Variants in LCT observed in about 807,000 individuals in gnomAD.
LCT encodes lactase/phlorizin hydrolase.
Under a neutral mutation model 173.0 loss-of-function variants are expected in LCT, and 90 were observed. The observed-to-expected ratio is 0.52, with a 90% confidence interval of 0.44 to 0.62. The LOEUF is 0.62. LCT is among the 20% of genes least tolerant of loss of function. LCT has a pLI of 0.00. For missense variants in LCT, 1,864 were observed against 2,431.4 expected (o/e 0.77, Z 4.91); for synonymous variants, 853 against 957.6 (o/e 0.89, Z 2.02).
At position 135,809,440 on chromosome 2, in the gene LCT, C is replaced by T; in HGVS notation, c.2907G>A (p.Leu969=). ...TAGAGAAGCGGTAGGCCTTCACCTT[C>T]AAAGCTCGGAGCATATTCAGATCGG... is the stretch of plus-strand genomic sequence containing the variant. ...LDADLNMLRA[L]KVKAYRFSIS... Residue 969 remains leucine (L), a synonymous_variant, in exon 8 of 17, where the codon TTG becomes TTA. Coordinates refer to ENST00000264162, the MANE Select transcript of LCT (RefSeq NM_002299.4). The surrounding 1 kb of genome is among the most constrained non-coding windows in gnomAD (Gnocchi z 5.5). 1 of 1,614,224 alleles carries T rather than the reference C, an allele frequency of 6.2e-7. No homozygotes were observed. Among genetic ancestry groups the T allele is most frequent in the Non-Finnish European group, 8.5e-7 (1 of 1,180,048 alleles).
At chr2:135,810,539 G>A (rs2077725829) in intron 7 of LCT, among the ~76,000 whole-genome samples, 1 of 152,122 alleles carries the variant, frequency 6.6e-6, no homozygotes, top group African/African-American at 2.4e-5. Flanking sequence ...ATAGTGGAGG[G>A]GATGTGTCCC....
chr2:135,825,198 T>C (rs574931509), intron 3 of LCT, among the ~76,000 whole-genome samples: 277 of 152,298 alleles, frequency 1.8e-3, no homozygotes, highest in Admixed American at 4.4e-3. Flanking sequence ...TTTTTCCTCC[T>C]CTGAGCAACT....
chr2:135,796,941 ATTT>A lies in LCT; in HGVS notation c.4976+1085_4976+1087del, dbSNP rs997582132. ...GTGTGCATTGTGAGGTGGGAGCTGG[ATTT>A]TTTTTTTTTTTTTTTTTTTGAGACA... is the stretch of plus-strand genomic sequence containing the variant. On this transcript the variant is annotated intron_variant, in intron 13 of 16. Coordinates refer to ENST00000264162, the MANE Select transcript of LCT (RefSeq NM_002299.4). Among the ~76,000 whole-genome samples the A allele has an allele frequency of 7.3e-3, 863 of 118,730 alleles. 9 individuals carry two copies. The highest frequency in any genetic ancestry group is 0.026 in the African/African-American group (808 of 30,818). The allele number at this position is 118,730 out of a possible 152,430, so 77.9% of individuals were successfully genotyped here.
intron 12 of LCT, among the ~76,000 whole-genome samples, chr2:135,798,914 A>C (rs556843126): frequency 8.5e-5 from 13 of 152,260 alleles, no homozygotes; most frequent in African/African-American, 3.1e-4. Flanking sequence ...ATTTTCGTGG[A>C]AGCTGATTCT....
chr2:135,803,455 T>C (rs2077643747), intron 11 of LCT, among the ~76,000 whole-genome samples: 1 of 152,220 alleles, frequency 6.6e-6, no homozygotes, highest in South Asian at 2.1e-4. Context: ...TCAAGCACAC[T>C]GATATCTCTG....
rs959659716 is a variant in LCT at position 135,829,777 on chromosome 2, C to G, written c.721-101G>C. 7.7e-6 allele frequency: 6 copies of G among 776,038 alleles called. No individual in the cohort carries two copies. The African/African-American group carries it at 8.6e-5, about 11-fold the overall frequency. The allele number at this position is 776,038 out of a possible 1,614,324, so 48.1% of individuals were successfully genotyped here. A position where few individuals can be genotyped will look rare whatever the true frequency, so the allele number is the denominator to read the frequency against. On this transcript the variant is annotated intron_variant, in intron 2 of 16. Transcript: ENST00000264162. Reference sequence around the variant, plus strand: ...TTTGTTTCTCCCCTTATCACTAAACCAAATATTCCAAAGCAGGATTTTCCA... The same window carrying G: ...TTTGTTTCTCCCCTTATCACTAAACGAAATATTCCAAAGCAGGATTTTCCA...
chr2:135,828,642 A>G (rs1364894913), intron 3 of LCT, among the ~76,000 whole-genome samples: 1 of 152,198 alleles, frequency 6.6e-6, no homozygotes, highest in African/African-American at 2.4e-5. Flanking sequence ...ACAGGAGAAT[A>G]GTTGGGACTC....
chr2:135,788,765 T>C (rs1014934874), intron 16 of LCT, among the ~76,000 whole-genome samples: 2 of 152,212 alleles, frequency 1.3e-5, no homozygotes, highest in African/African-American at 4.8e-5. Flanking sequence ...TAGAATACGG[T>C]TGAATATCCC....
intron 7 of LCT, among the ~76,000 whole-genome samples, chr2:135,811,405 C>T (rs2077733487): frequency 6.6e-6 from 1 of 152,010 alleles, no homozygotes; most frequent in Non-Finnish European, 1.5e-5. Flanking sequence ...GAGGACTGAC[C>T]TGTGAGATGA....
intron 5 of LCT, among the ~76,000 whole-genome samples, chr2:135,818,589 C>G (rs1220657974): frequency 2.0e-5 from 3 of 152,196 alleles, no homozygotes. Flanking sequence ...CCTGTAATCC[C>G]AGCACTTTGG....
rs1267843786 is a variant in LCT, at chr2:135,788,459, A to C, written c.5649T>G (p.Ala1883=). The change falls in exon 17 of 17, where the codon GCT becomes GCG. Residue 1883 remains alanine, a synonymous_variant. Coordinates refer to ENST00000264162, the MANE Select transcript of LCT (RefSeq NM_002299.4). Reference sequence around the variant, plus strand: ...GCACAAGAGAAAAGAGAACGTACAAAGCTGTCTGTGCTTCTGTGGTGCCGA... The same window carrying C: ...GCACAAGAGAAAAGAGAACGTACAACGCTGTCTGTGCTTCTGTGGTGCCGA... ...LMLGTTEAQT[A]LYVLFSLVLL... is the part of the protein sequence containing the mutation. 6.2e-7 allele frequency: 1 copy of C among 1,613,842 alleles called. No homozygotes were observed. The highest frequency in any genetic ancestry group is 1.7e-5 in the Admixed American group (1 of 60,022).
chr2:135,832,165 G>A (rs962795520), intron 2 of LCT, among the ~76,000 whole-genome samples: 6 of 151,882 alleles, frequency 4.0e-5, no homozygotes, highest in Admixed American at 6.6e-5. Flanking sequence ...GCAGTGAGCC[G>A]AGATCGTGCC....
chr2:135,822,685 A>AAC (rs1463931187), intron 4 of LCT: 9 of 159,302 alleles, frequency 5.6e-5, no homozygotes, highest in Admixed American at 1.8e-4. Context: ...TGTGGAGCCA[A>AAC]CCCATTGCTG....
intron 1 of LCT, 32 bp from the exon 2 acceptor site, chr2:135,833,222 G>A (rs2077953897): frequency 2.6e-6 from 4 of 1,528,366 alleles, no homozygotes; most frequent in South Asian, 2.2e-5. Flanking sequence ...AACAGCAGGT[G>A]AGCGAGGGCA....
At chr2:135,816,886 T>TG (rs1558741080) in intron 6 of LCT, among the ~76,000 whole-genome samples, 3 of 144,890 alleles carry the variant, frequency 2.1e-5, no homozygotes, top group East Asian at 2.0e-4. Context: ...TTTTTTTTTT[T>TG]GAGACAGGGT....
rs758609978 is a variant in LCT at position 135,812,799 on chromosome 2, C to T, written c.1865G>A (p.Arg622His). 2.0e-5 allele frequency: 33 copies of T among 1,614,018 alleles called. No individual in the cohort carries two copies. Among genetic ancestry groups the T allele is most frequent in the East Asian group, 2.2e-5 (1 of 44,892 alleles). ...CCAGCCCAGCATGAAGTGCAAGAAG[C>T]GCTCAGAGGCTCTCAGGTCCTCAGG... ...ERPEDLRASE[R>H]FLHFMLGWFA... Residue 622 changes from arginine to histidine, a missense_variant, in exon 7 of 17, where the codon CGC (arginine) becomes CAC (histidine). Physicochemically the swap from Arg to His is conservative, Grantham distance 29 (BLOSUM62 0). Around this residue, in one of 4 missense-constraint regions of LCT, gnomAD observed 755 missense variants for 926.3 expected, o/e 0.82. Transcript: ENST00000264162.
intron 2 of LCT, 23 bp from the exon 3 acceptor site, chr2:135,829,699 G>T: frequency 2.7e-6 from 4 of 1,502,138 alleles, no homozygotes; most frequent in Non-Finnish European, 3.7e-6. Flanking sequence ...GTTAAATAGG[G>T]TCATTAGAAC....
chr2:135,821,863 T>C (rs2077835317), intron 5 of LCT, 157 bp downstream of exon 5: 1 of 640,202 alleles, frequency 1.6e-6, no homozygotes, highest in Admixed American at 2.4e-5. Context: ...CTCCCTACTT[T>C]CTTTCTGAGT....
intron 9 of LCT, among the ~76,000 whole-genome samples, chr2:135,806,020 AT>A: frequency 6.6e-6 from 1 of 152,310 alleles, no homozygotes; most frequent in Non-Finnish European, 1.5e-5. Flanking sequence ...CTACAAAAAA[AT>A]TAAAAATAAA....
Sources: gnomAD v4.1 joint callset for allele counts (sites outside exome capture counted in the v4.1 genomes callset) on GRCh38, gnomAD v4.1.1 for gene constraint, gnomAD v4.1.1 regional missense constraint, Gnocchi (gnomAD v3.1) non-coding constraint, MANE v1.5 for transcripts, NCBI Gene and HGNC (gene_info 2026-07-23, HGNC 2026-07-21) for gene names.